Variants in NPHS2 observed in about 807,000 individuals in gnomAD.
NPHS2 encodes podocin.
NPHS2 carries 36 observed loss-of-function variants against 37.1 expected under a neutral mutation model. That is an observed-to-expected ratio of 0.97 (90% confidence interval 0.74 to 1.28). NPHS2 has a LOEUF of 1.28. Ranked by LOEUF, NPHS2 falls within the 50% of genes most tolerant of loss-of-function variation. NPHS2 has a pLI of 0.00. For missense variants in NPHS2, 447 were observed against 488.1 expected (o/e 0.92, Z 0.79); for synonymous variants, 196 against 189.3 (o/e 1.04, Z -0.29).
rs1195396729 is a variant in NPHS2, at chr1:179,551,150, A to T, written c.*23T>A. The T allele has an allele frequency of 1.9e-6, 3 of 1,613,254 alleles. No homozygotes were observed. In the South Asian group the frequency reaches 3.3e-5, roughly 18 times the overall value. On this transcript the variant is annotated 3_prime_UTR_variant, in exon 8 of 8. Coordinates refer to ENST00000367615, the MANE Select transcript of NPHS2 (RefSeq NM_014625.4). ...ACTTTTCTATGGCAGGCCCCTTTAC[A>T]GTCACATTATGCCCCATCCTTCCTA...
At chr1:179,574,487 A>G (rs1432538178) in intron 1 of NPHS2, among the ~76,000 whole-genome samples, 2 of 152,210 alleles carry the variant, frequency 1.3e-5, no homozygotes, top group Non-Finnish European at 2.9e-5. Flanking sequence ...GCTGCCTCAC[A>G]GTTACAAGCC....
intron 1 of NPHS2, among the ~76,000 whole-genome samples, chr1:179,573,467 G>C (rs3765547): frequency 6.6e-6 from 1 of 151,978 alleles, no homozygotes; most frequent in Non-Finnish European, 1.5e-5. Context: ...TGAGAATCTC[G>C]CAAAGCATTC....
Position 179,561,380 on chromosome 1 carries a change from C to A in NPHS2, c.379-19G>T. 1 of 1,557,890 alleles carries A rather than the reference C, an allele frequency of 6.4e-7. No homozygotes were observed. The highest frequency in any genetic ancestry group is 8.9e-7 in the Non-Finnish European group (1 of 1,128,908). On this transcript the variant is annotated intron_variant, in intron 2 of 7. Transcript: ENST00000367615. ...GTACAACCTAAAGAGAAATTTAATC[C>A]TTTCAAATCACTCCCAGAAAGAAAA...
At position 179,551,317 on chromosome 1, in the gene NPHS2, G is replaced by A. The variant is rs756095816; in HGVS notation, c.1008C>T (p.Ser336=). The A allele has an allele frequency of 9.3e-6, 15 of 1,614,062 alleles. No individual in the cohort carries two copies. The highest frequency in any genetic ancestry group is 1.3e-5 in the Non-Finnish European group (15 of 1,180,032). ...TLQSLSTEKP[S]TVVLPLPFDL... ...CAAATGGCAAAGGTAAAACCACAGT[G>A]GAAGGCTTCTCTGTGGACAGAGACT... is the stretch of plus-strand genomic sequence containing the variant. Residue 336 remains serine, a synonymous_variant, in exon 8 of 8, where the codon TCC becomes TCT. Transcript: ENST00000367615.
Position 179,561,365 on chromosome 1 carries a change from A to G in NPHS2, c.379-4T>C. 2 of 1,602,574 alleles carry G rather than the reference A, an allele frequency of 1.2e-6. 1 individual carries two copies. The highest frequency in any genetic ancestry group is 2.2e-5 in the South Asian group (2 of 90,814). On this transcript the variant is annotated splice_region_variant and splice_polypyrimidine_tract_variant and intron_variant, in intron 2 of 7. Coordinates refer to ENST00000367615, the MANE Select transcript of NPHS2 (RefSeq NM_014625.4). ...CTCTTTCATACTCTTGTACAACCTAAAGAGAAATTTAATCCTTTCAAATCA... is the reference window on the plus strand; with the variant it reads ...CTCTTTCATACTCTTGTACAACCTAGAGAGAAATTTAATCCTTTCAAATCA...
Position 179,557,159 on chromosome 1 carries a change from A to T in NPHS2, c.606T>A (p.Leu202=), listed in dbSNP as rs760605613. The stretch of plus-strand genomic sequence containing the variant: ...ATACATGAGCAAGACTGCTTAGGAG[A>T]AGAGAGGCATTTTCCATTCGGTAGT... The part of the protein sequence containing the change: ...ICYYRMENAS[L]LLSSLAHVSK... The change falls in exon 5 of 8, where the codon CTT becomes CTA. Residue 202 remains leucine (L), a synonymous_variant. Coordinates refer to ENST00000367615, the MANE Select transcript of NPHS2 (RefSeq NM_014625.4). The T allele has an allele frequency of 6.2e-7, 1 of 1,614,096 alleles. No individual in the cohort carries two copies. The highest frequency in any genetic ancestry group is 8.5e-7 in the Non-Finnish European group (1 of 1,179,978).
intron 6 of NPHS2, among the ~76,000 whole-genome samples, chr1:179,553,660 T>C (rs189870412): frequency 1.9e-3 from 285 of 152,350 alleles, no homozygotes; most frequent in African/African-American, 6.5e-3. Context: ...GATGAAAATG[T>C]TCTGAAATTA....
chr1:179,562,564 A>G (rs1674186450), intron 2 of NPHS2, among the ~76,000 whole-genome samples: 1 of 152,222 alleles, frequency 6.6e-6, no homozygotes, highest in African/African-American at 2.4e-5. Context: ...GTCAAATATA[A>G]AAATGTGATA....
At chr1:179,560,998 C>G (rs1385083692) in intron 3 of NPHS2, among the ~76,000 whole-genome samples, 1 of 152,220 alleles carries the variant, frequency 6.6e-6, no homozygotes, top group African/African-American at 2.4e-5. Flanking sequence ...ATATACACAT[C>G]GTACTCAAAT....
intron 1 of NPHS2, among the ~76,000 whole-genome samples, chr1:179,568,645 G>A (rs955089217): frequency 2.0e-5 from 3 of 151,868 alleles, no homozygotes; most frequent in Non-Finnish European, 2.9e-5. Context: ...GTGATGTTAG[G>A]GTGTCAATTT....
intron 6 of NPHS2, among the ~76,000 whole-genome samples, chr1:179,554,030 A>G (rs545761522): frequency 2.6e-5 from 4 of 151,198 alleles, no homozygotes; most frequent in African/African-American, 9.7e-5. Flanking sequence ...CTTCTGCCTC[A>G]GCCTCCCTGG....
chr1:179,562,082 C>T (rs1229371101), intron 2 of NPHS2, among the ~76,000 whole-genome samples: 1 of 152,186 alleles, frequency 6.6e-6, no homozygotes, highest in East Asian at 1.9e-4. Flanking sequence ...GCTGGGATTA[C>T]AGGCGTGAGC....
intron 1 of NPHS2, among the ~76,000 whole-genome samples, chr1:179,569,035 G>C (rs915417983): frequency 6.6e-6 from 1 of 152,168 alleles, no homozygotes; most frequent in East Asian, 1.9e-4. Flanking sequence ...CTGTTGATTT[G>C]GGGTGGAGAG....
intron 1 of NPHS2, among the ~76,000 whole-genome samples, chr1:179,565,087 A>G (rs1674284352): frequency 6.6e-6 from 1 of 152,026 alleles, no homozygotes; most frequent in South Asian, 2.1e-4. Flanking sequence ...CCTGGGCAAC[A>G]TAGTGAGATC....
intron 3 of NPHS2, 146 bp from the exon 4 acceptor site, chr1:179,559,907 G>A (rs1674073876): frequency 1.6e-6 from 1 of 615,522 alleles, no homozygotes; most frequent in Non-Finnish European, 3.0e-6. Context: ...CCACCTGAGG[G>A]TAAAAGGAGA....
Position 179,551,328 on chromosome 1 carries a change from C to T in NPHS2, c.997G>A (p.Glu333Lys). Residue 333 changes from glutamate to lysine, a missense_variant, in exon 8 of 8, where the codon GAG (glutamate) becomes AAG (lysine). Coordinates refer to ENST00000367615, the MANE Select transcript of NPHS2 (RefSeq NM_014625.4). ...GGTAAAACCACAGTGGAAGGCTTCTCTGTGGACAGAGACTGAAGGGTGTGG... is the reference window on the plus strand; with the variant it reads ...GGTAAAACCACAGTGGAAGGCTTCTTTGTGGACAGAGACTGAAGGGTGTGG... ...YLHTLQSLST[E>K]KPSTVVLPLP... The T allele has an allele frequency of 2.5e-6, 4 of 1,614,164 alleles. No individual in the cohort carries two copies. In the Admixed American group the frequency reaches 6.7e-5, roughly 27 times the overall value.
chr1:179,560,489 G>T (rs1179393971), intron 3 of NPHS2, among the ~76,000 whole-genome samples: 1 of 152,124 alleles, frequency 6.6e-6, no homozygotes. Flanking sequence ...ACCAGGGCCA[G>T]AACAAGATGT....
rs755972674 is a variant in NPHS2 at position 179,561,355 on chromosome 1, G to A, written c.385C>T (p.Gln129Ter). 1.2e-6 allele frequency: 2 copies of A among 1,608,200 alleles called. No individual in the cohort carries two copies. The highest frequency in any genetic ancestry group is 1.7e-6 in the Non-Finnish European group (2 of 1,174,840). ...AATATAATTACTCTTTCATACTCTT[G>A]TACAACCTAAAGAGAAATTTAATCC... ...FSIWFCVKVV[Q>*]EYERVIIFRL... The change falls in exon 3 of 8, where the codon CAA becomes TAA. Residue 129 changes from glutamine to a stop codon, truncating the protein, a stop_gained. Coordinates refer to ENST00000367615, the MANE Select transcript of NPHS2 (RefSeq NM_014625.4). LOFTEE classifies it high-confidence loss of function.
At position 179,575,715 on chromosome 1, in the gene NPHS2, C is replaced by T. The variant is rs1279634932; in HGVS notation, c.150G>A (p.Arg50=). The change falls in exon 1 of 8, where the codon CGG becomes CGA. Residue 50 remains arginine, a synonymous_variant. Coordinates refer to ENST00000367615, the MANE Select transcript of NPHS2 (RefSeq NM_014625.4). ...CTCGGGGCTCCCCCGGGGTCCCCGC[C>T]CGTCCGGAGCCCGACGGCTCGGGCC... ...EAGPEPSGSG[R]AGTPGEPRAP... 1.9e-6 allele frequency: 3 copies of T among 1,553,388 alleles called. No individual in the cohort carries two copies. Among genetic ancestry groups the T allele is most frequent in the Non-Finnish European group, 2.6e-6 (3 of 1,154,754 alleles).
Sources: allele counts gnomAD v4.1 joint callset (sites outside exome capture counted in the v4.1 genomes callset), GRCh38; gene constraint gnomAD v4.1.1; transcripts MANE v1.5; gene names NCBI Gene and HGNC (gene_info 2026-07-23, HGNC 2026-07-21).